Variants in FRMD1 observed in about 807,000 individuals in gnomAD.
FRMD1 encodes FERM domain containing 1.
A neutral mutation model predicts 54.9 loss-of-function variants in FRMD1; 51 were observed. The ratio of observed to expected loss-of-function variants is 0.93; its 90% CI spans 0.74 to 1.17. The LOEUF (loss-of-function observed/expected upper bound fraction) is 1.17. FRMD1 is among the 50% of genes most tolerant of loss of function. The pLI is 0.00. For synonymous variants in FRMD1, 324 were observed against 306.4 expected (o/e 1.06, Z -0.60); for missense variants, 729 against 743.0 (o/e 0.98, Z 0.22).
upstream of FRMD1, chr6:168,081,589 G>C (rs1800832700): frequency 7.4e-7 from 1 of 1,346,214 alleles, no homozygotes; most frequent in Admixed American, 2.7e-5. Context: ...TAGAACTCAA[G>C]CTTCGGAGCT....
chr6:168,080,794 C>T (rs1222191544), upstream of FRMD1, among the ~76,000 whole-genome samples: 4 of 151,232 alleles, frequency 2.6e-5, no homozygotes, highest in Non-Finnish European at 5.9e-5. Flanking sequence ...TGGTTCCCCA[C>T]GTGTGTGCAG....
In FRMD1 at chr6:168,056,845, G is replaced by A. The variant is rs1223639661; in HGVS notation, c.*252C>T. The stretch of plus-strand genomic sequence containing the variant: ...ACACTTGACAGCCAGACCTTGAACT[G>A]GCTCCCTGAGACCCTGAGGGAAAGA... On this transcript the variant is annotated 3_prime_UTR_variant, in exon 11 of 11. Coordinates refer to ENST00000283309, the MANE Select transcript of FRMD1 (RefSeq NM_024919.6). The A allele has an allele frequency of 8.3e-6, 3 of 361,446 alleles. No individual in the cohort carries two copies. The highest frequency in any genetic ancestry group is 6.3e-5 in the African/African-American group (3 of 47,560). The allele number at this position is 361,446 out of a possible 1,614,324, so 22.4% of individuals were successfully genotyped here.
At chr6:168,063,022 G>T in intron 6 of FRMD1, 63 bp from the exon 7 acceptor site, 2 of 1,403,118 alleles carry the variant, frequency 1.4e-6, no homozygotes, top group Non-Finnish European at 2.0e-6. Flanking sequence ...ACTGATGGCA[G>T]AGTATGGTCA....
upstream of FRMD1, among the ~76,000 whole-genome samples, chr6:168,084,245 C>T (rs1800882455): frequency 6.6e-6 from 1 of 152,162 alleles, no homozygotes; most frequent in African/African-American, 2.4e-5. Flanking sequence ...ATCATGAAGG[C>T]ATGAAACCCA....
At chr6:168,058,099 G>C (rs139728470) in intron 10 of FRMD1, among the ~76,000 whole-genome samples, 2 of 152,190 alleles carry the variant, frequency 1.3e-5, no homozygotes, top group African/African-American at 4.8e-5. Flanking sequence ...GGATGGGCCC[G>C]CGCCTGCCAG....
chr6:168,069,428 G>A (rs1800191698), intron 2 of FRMD1, among the ~76,000 whole-genome samples: 1 of 152,240 alleles, frequency 6.6e-6, no homozygotes. Context: ...AATGCCGAGT[G>A]AAAAGGTCTA....
chr6:168,053,343 C>G lies in FRMD1; in HGVS notation c.*3754G>C, dbSNP rs922770170. On this transcript the variant is annotated 3_prime_UTR_variant, in exon 11 of 11. Coordinates refer to ENST00000283309, the MANE Select transcript of FRMD1 (RefSeq NM_024919.6). Reference sequence around the variant, plus strand: ...ATTGCCTACCACGTCCAGCCTCCCACTGCCAGCTCTGTTTCTCTTCCAGTC... The same window carrying G: ...ATTGCCTACCACGTCCAGCCTCCCAGTGCCAGCTCTGTTTCTCTTCCAGTC... 6.6e-6 allele frequency: 1 copy of G among 152,360 alleles called. No homozygotes were observed. The allele number at this position is 152,360 out of a possible 1,614,324, so 9.4% of individuals were successfully genotyped here. A position where few individuals can be genotyped will look rare whatever the true frequency, so the allele number is the denominator to read the frequency against.
At chr6:168,063,814 C>A (rs1799889253) in intron 5 of FRMD1, 58 bp from the exon 6 acceptor site, 5 of 1,530,636 alleles carry the variant, frequency 3.3e-6, no homozygotes, top group Non-Finnish European at 4.4e-6. Context: ...TTCCTCCTTG[C>A]CAGCCCCCTG....
chr6:168,067,297 C>G, intron 3 of FRMD1, 70 bp downstream of exon 3: 2 of 989,974 alleles, frequency 2.0e-6, no homozygotes, highest in Non-Finnish European at 3.1e-6. Flanking sequence ...TCTCCCACCC[C>G]ACGTGTCCCC....
intron 3 of FRMD1, chr6:168,067,083 A>AG (rs1188284581): frequency 1.4e-6 from 1 of 708,856 alleles, no homozygotes; most frequent in South Asian, 1.5e-5. Context: ...TTGCAGCCTC[A>AG]GGGCTCACCA....
At position 168,087,617 on chromosome 6, in the gene FRMD1, C is replaced by T. The variant is rs541097840; in HGVS notation, c.-11-8593G>A. ...CACTCAGAGCTCTGACCTGCGTGGACTGGCGTGTGCAATGCGTGCGCTGGC... is the reference window on the plus strand; with the variant it reads ...CACTCAGAGCTCTGACCTGCGTGGATTGGCGTGTGCAATGCGTGCGCTGGC... On this transcript the variant is annotated intron_variant, in intron 1 of 12. Transcript: ENST00000644440. 2.0e-5 allele frequency among the ~76,000 whole-genome samples: 3 copies of T among 152,352 alleles called. No individual in the cohort carries two copies. The East Asian group carries it at 5.8e-4, about 29-fold the overall frequency.
chr6:168,085,506 C>T (rs4708639), upstream of FRMD1, among the ~76,000 whole-genome samples: 133,771 of 152,292 alleles, frequency 0.88, 58,792 homozygotes, highest in South Asian at 0.91. Context: ...AATGGCCACC[C>T]ACAGCCACAC....
intron 7 of FRMD1, 36 bp downstream of exon 7, chr6:168,062,858 C>T (rs369856462): frequency 2.4e-5 from 39 of 1,603,892 alleles, no homozygotes; most frequent in African/African-American, 2.3e-4. Context: ...GGGGGCAGGA[C>T]GAGGGGCTCT....
intron 2 of FRMD1, 62 bp downstream of exon 2, chr6:168,075,183 C>T: frequency 1.4e-6 from 2 of 1,431,698 alleles, no homozygotes; most frequent in Admixed American, 3.3e-5. Context: ...TGCCCACCCC[C>T]TTGACCTCCA....
chr6:168,057,921 C>T (rs1018428201), intron 10 of FRMD1, among the ~76,000 whole-genome samples: 38 of 152,212 alleles, frequency 2.5e-4, no homozygotes, highest in African/African-American at 8.7e-4. Context: ...CAGGCCACGC[C>T]GAAGATTGCC....
At position 168,063,111 on chromosome 6, in the gene FRMD1, A is replaced by T. The variant is rs1799838003; in HGVS notation, c.805-152T>A. The T allele has an allele frequency of 7.3e-6, 5 of 683,780 alleles. No homozygotes were observed. The South Asian group carries it at 8.5e-5, about 12-fold the overall frequency. 42.4% of individuals were successfully genotyped at this position (683,780 alleles called of 1,614,324 possible). ...TACAGACAGTCTCATTCACTCCAGC[A>T]TCAGATCAAAGGCATAGTTGTCATA... On this transcript the variant is annotated intron_variant, in intron 6 of 10. Transcript: ENST00000283309.
At chr6:168,081,325 C>A, upstream of FRMD1, 1 of 1,508,610 alleles carries the variant, frequency 6.6e-7, no homozygotes, top group South Asian at 1.3e-5. Flanking sequence ...CGTGACCGGG[C>A]CCCAACACTG....
chr6:168,063,292 G>T (rs984661304), intron 6 of FRMD1, among the ~76,000 whole-genome samples: 2 of 146,766 alleles, frequency 1.4e-5, no homozygotes, highest in Non-Finnish European at 3.0e-5. Context: ...TAGCCACGGG[G>T]GCTCCATCCA....
At chr6:168,084,213 G>A (rs1800881911), upstream of FRMD1, among the ~76,000 whole-genome samples, 1 of 152,098 alleles carries the variant, frequency 6.6e-6, no homozygotes, top group South Asian at 2.1e-4. Context: ...CAGCTTCTAG[G>A]GATTAGACGG....
Sources: allele counts gnomAD v4.1 joint callset (sites outside exome capture counted in the v4.1 genomes callset), GRCh38; gene constraint gnomAD v4.1.1; transcripts MANE v1.5; gene names NCBI Gene and HGNC (gene_info 2026-07-23, HGNC 2026-07-21).